Variants in UGT1A9 observed in about 807,000 individuals in gnomAD.
UGT1A9 encodes UDP-glucuronosyltransferase 1A9.
Under a neutral mutation model 45.0 loss-of-function variants are expected in UGT1A9, and 35 were observed. The observed-to-expected ratio is 0.78, with a 90% CI of 0.59 to 1.03. The LOEUF is 1.03. Among genes scored for constraint, UGT1A9 ranks in the 50% least tolerant of loss-of-function variants. The pLI is 0.00. For synonymous variants in UGT1A9, 278 were observed against 250.6 expected, an observed-to-expected ratio of 1.11 and a Z score of -1.03; for missense variants, 687 against 666.6, an observed-to-expected ratio of 1.03 and a Z score of -0.34.
chr2:233,756,137 T>C (rs776575222), intron 1 of UGT1A9: 2 of 152,178 alleles, frequency 1.3e-5, no homozygotes, highest in Non-Finnish European at 2.9e-5. Context: ...TCCTGAAAAA[T>C]TACTGGGGAT....
chr2:233,758,756 G>A (rs1321245048), intron 1 of UGT1A9, among the ~76,000 whole-genome samples: 1 of 152,198 alleles, frequency 6.6e-6, no homozygotes, highest in Non-Finnish European at 1.5e-5. Context: ...GGCCAGTGAT[G>A]TGTATGGTTC....
chr2:233,718,910 G>T (rs760663679), intron 1 of UGT1A9: 2 of 1,614,074 alleles, frequency 1.2e-6, no homozygotes, highest in East Asian at 4.5e-5. Context: ...AGAGTGGAAA[G>T]GTGTTGGTGG....
chr2:233,729,850 G>C (rs916795505), intron 1 of UGT1A9: 6 of 1,613,870 alleles, frequency 3.7e-6, no homozygotes, highest in Non-Finnish European at 5.1e-6. Context: ...TTTTCAGAGA[G>C]AGGTGTCAGT....
At chr2:233,724,602 G>A (rs1229954806) in intron 1 of UGT1A9, among the ~76,000 whole-genome samples, 3 of 135,486 alleles carry the variant, frequency 2.2e-5, no homozygotes, top group Admixed American at 7.3e-5. Flanking sequence ...CAGACGATGG[G>A]CGGCCGGGCA....
At chr2:233,732,423 T>C (rs1232820803) in intron 1 of UGT1A9, among the ~76,000 whole-genome samples, 1 of 152,264 alleles carries the variant, frequency 6.6e-6, no homozygotes, top group Non-Finnish European at 1.5e-5. Context: ...GGTTTTCTTC[T>C]AGGATTTTTA....
At chr2:233,709,432 G>A (rs2076076641) in intron 1 of UGT1A9, among the ~76,000 whole-genome samples, 1 of 152,082 alleles carries the variant, frequency 6.6e-6, no homozygotes, top group African/African-American at 2.4e-5. Context: ...CCTCCAGAAA[G>A]GATGACCTGC....
intron 1 of UGT1A9, among the ~76,000 whole-genome samples, chr2:233,756,604 C>T (rs914908855): frequency 6.6e-6 from 1 of 152,112 alleles, no homozygotes; most frequent in South Asian, 2.1e-4. Flanking sequence ...TGTATCGAAA[C>T]CATTAAGACT....
At chr2:233,753,617 T>A (rs7608038) in intron 1 of UGT1A9, 1 of 152,200 alleles carries the variant, frequency 6.6e-6, no homozygotes, top group African/African-American at 2.4e-5. Flanking sequence ...AGGTCTTCAT[T>A]TGGGGCATAA....
intron 1 of UGT1A9, chr2:233,713,807 C>G: frequency 3.1e-6 from 5 of 1,614,092 alleles, no homozygotes; most frequent in Non-Finnish European, 4.2e-6. Context: ...TCATGCCCAA[C>G]ATGGTCTTCA....
intron 1 of UGT1A9, among the ~76,000 whole-genome samples, chr2:233,722,899 G>A (rs1015320069): frequency 7.8e-6 from 1 of 128,092 alleles, no homozygotes; most frequent in Non-Finnish European, 1.7e-5. Flanking sequence ...AGTGGAAGTG[G>A]ATCATCATAA....
rs774438667 is a variant in UGT1A9 at position 233,767,136 on chromosome 2, G to T, written c.958G>T (p.Ala320Ser). 3.1e-6 allele frequency: 5 copies of T among 1,614,110 alleles called. No individual in the cohort carries two copies. Among genetic ancestry groups the T allele is most frequent in the Admixed American group, 1.7e-5 (1 of 60,022 alleles). The stretch of plus-strand genomic sequence containing the variant: ...TCCAGAGAAGAAAGCTATGGCAATT[G>T]CTGATGCTTTGGGCAAAATCCCTCA... The part of the protein sequence containing the change: ...EIPEKKAMAI[A>S]DALGKIPQTV... Residue 320 changes from alanine to serine, a missense_variant, in exon 2 of 5, where the codon GCT (alanine) becomes TCT (serine). By Grantham distance (99) the Ala-to-Ser change is moderately conservative. Coordinates refer to ENST00000354728, the MANE Select transcript of UGT1A9 (RefSeq NM_021027.3).
At chr2:233,741,525 C>T (rs916484362) in intron 1 of UGT1A9, 1 of 151,902 alleles carries the variant, frequency 6.6e-6, no homozygotes, top group South Asian at 2.1e-4. Context: ...CCTTAACAGT[C>T]TGTCTTATTC....
intron 1 of UGT1A9, among the ~76,000 whole-genome samples, chr2:233,765,695 A>G (rs1698910486): frequency 6.9e-6 from 1 of 145,802 alleles, no homozygotes; most frequent in African/African-American, 2.7e-5. Flanking sequence ...CTTCAAGTAA[A>G]TAATAATAAT....
chr2:233,717,481 G>A (rs914906580), intron 1 of UGT1A9, among the ~76,000 whole-genome samples: 2 of 152,216 alleles, frequency 1.3e-5, no homozygotes, highest in Admixed American at 6.5e-5. Flanking sequence ...TCCAAAGGTG[G>A]AATCTGTTAT....
intron 1 of UGT1A9, chr2:233,719,328 G>C: frequency 2.5e-6 from 4 of 1,613,970 alleles, no homozygotes; most frequent in Non-Finnish European, 3.4e-6. Context: ...GATTCCTGCT[G>C]TGTTTTTTTG....
chr2:233,711,636 C>T (rs1021848724), intron 1 of UGT1A9, among the ~76,000 whole-genome samples: 1 of 152,184 alleles, frequency 6.6e-6, no homozygotes, highest in African/African-American at 2.4e-5. Flanking sequence ...GCTGCCTGTC[C>T]CATGGGTTCT....
intron 1 of UGT1A9, among the ~76,000 whole-genome samples, chr2:233,673,643 CT>C (rs1404768359): frequency 6.6e-6 from 1 of 152,098 alleles, no homozygotes; most frequent in East Asian, 1.9e-4. Context: ...AAATTTTTCA[CT>C]ATATAAGCAT....
intron 1 of UGT1A9, chr2:233,741,793 C>T (rs1691771418): frequency 6.6e-6 from 1 of 151,878 alleles, no homozygotes; most frequent in South Asian, 2.1e-4. Context: ...AAAAAATTAC[C>T]AGCATGCTGC....
At chr2:233,724,404 G>T (rs1202271642) in intron 1 of UGT1A9, among the ~76,000 whole-genome samples, 1 of 140,424 alleles carries the variant, frequency 7.1e-6, no homozygotes, top group Admixed American at 7.0e-5. Context: ...CTTCCCAGAT[G>T]GGGTGGCTGC....
Sources: allele counts gnomAD v4.1 joint callset (sites outside exome capture counted in the v4.1 genomes callset), GRCh38; gene constraint gnomAD v4.1.1; transcripts MANE v1.5; gene names NCBI Gene and HGNC (gene_info 2026-07-23, HGNC 2026-07-21).